DOCK6: variants seen among roughly 807,000 people sequenced by gnomAD.
The protein encoded by DOCK6 is dedicator of cytokinesis 6.
In DOCK6, 167 loss-of-function variants were observed where a neutral mutation model predicts 230.3. The ratio of observed to expected loss-of-function variants is 0.73; its 90% CI spans 0.64 to 0.82. The LOEUF (loss-of-function observed/expected upper bound fraction) is 0.82. Ranked by LOEUF, DOCK6 falls within the 40% of genes least tolerant of loss-of-function variation. DOCK6 has a pLI of 0.00. For synonymous variants in DOCK6, 1,148 were observed against 1,185.0 expected (o/e 0.97, Z 0.64); for missense variants, 2,598 against 2,825.8 (o/e 0.92, Z 1.83).
chr19:11,213,338 A>G lies in DOCK6; in HGVS notation c.4339-10T>C, dbSNP rs2079425912. The G allele has an allele frequency of 3.1e-6, 5 of 1,608,838 alleles. No homozygotes were observed. Among genetic ancestry groups the G allele is most frequent in the East Asian group, 2.2e-5 (1 of 44,776 alleles). The stretch of plus-strand genomic sequence containing the variant: ...ACAGCAGCTCCGGGAACTGCCCCCA[A>G]GGACCCAGACAGACACTGTCCAGCC... On this transcript the variant is annotated splice_polypyrimidine_tract_variant and intron_variant, in intron 34 of 47. Transcript: ENST00000294618.
rs767983548 is a variant in DOCK6, at chr19:11,214,558, CGAT to C, written c.4195_4197del (p.Ile1399del). The C allele has an allele frequency of 7.4e-6, 12 of 1,613,760 alleles. No individual in the cohort carries two copies. The South Asian group carries it at 8.8e-5, about 12-fold the overall frequency. On this transcript the variant is annotated inframe_deletion, in exon 33 of 48. Coordinates refer to ENST00000294618, the MANE Select transcript of DOCK6 (RefSeq NM_020812.4). ...GATGCTGGATCAAGCCCTACCTGCA[CGAT>C]GATCTCCAGTGTGTCCAGAACCACT...
In DOCK6 at chr19:11,227,433, G is replaced by T. The variant is rs2079684536; in HGVS notation, c.2859C>A (p.Asp953Glu). Residue 953 changes from aspartate (D) to glutamate (E), a missense_variant, in exon 24 of 48, where the codon GAC (aspartate) becomes GAA (glutamate). By Grantham distance (45) the Asp-to-Glu change is conservative (BLOSUM62 2). Transcript: ENST00000294618. ...ALHLLLGQRL[D>E]TPRKLRFPGR... ...CGGGGAAGCGCAGCTTGCGGGGTGT[G>T]TCTAGTCGCTGGCCAAGCAGCAGGT... 2 of 1,610,976 alleles carry T rather than the reference G, an allele frequency of 1.2e-6. No individual in the cohort carries two copies. The highest frequency in any genetic ancestry group is 1.7e-6 in the Non-Finnish European group (2 of 1,178,794).
At chr19:11,207,075 C>T (rs572872062) in intron 39 of DOCK6, among the ~76,000 whole-genome samples, 4 of 152,156 alleles carry the variant, frequency 2.6e-5, no homozygotes, top group Admixed American at 6.5e-5. Flanking sequence ...CCTCGTGATC[C>T]GCCTGCCTTG....
At chr19:11,235,857 T>C in intron 20 of DOCK6, 98 bp from the exon 21 acceptor site, 1 of 1,423,062 alleles carries the variant, frequency 7.0e-7, no homozygotes. Flanking sequence ...AGGGATCATG[T>C]GCTCATTAAG....
chr19:11,220,612 CA>C (rs1433479427), intron 28 of DOCK6, among the ~76,000 whole-genome samples: 3 of 152,014 alleles, frequency 2.0e-5, no homozygotes, highest in Non-Finnish European at 2.9e-5. Flanking sequence ...AGGGATGAGG[CA>C]GGAAAATGTG....
In DOCK6 at chr19:11,217,383, C is replaced by T. The variant is rs1451263912; in HGVS notation, c.3559G>A (p.Gly1187Ser). The stretch of plus-strand genomic sequence containing the variant: ...ATTGAGGCCAGTCTTGACCGCTGAC[C>T]TGGGCCCTCTGGCAGGGAAAGACAG... ...PRLHDFAEGP[G>S]QRSRLASMLD... Residue 1187 changes from glycine (G) to serine (S), a missense_variant, in exon 29 of 48, where the codon GGT (glycine) becomes AGT (serine). Coordinates refer to ENST00000294618, the MANE Select transcript of DOCK6 (RefSeq NM_020812.4). The T allele has an allele frequency of 6.2e-7, 1 of 1,612,844 alleles. No homozygotes were observed. Among genetic ancestry groups the T allele is most frequent in the Non-Finnish European group, 8.5e-7 (1 of 1,179,508 alleles).
chr19:11,241,800 G>A (rs2079950261), intron 14 of DOCK6: 2 of 1,509,182 alleles, frequency 1.3e-6, no homozygotes, highest in Non-Finnish European at 1.8e-6. Context: ...CAGGGCGCCG[G>A]GCCCCACTTC....
chr19:11,217,141 T>G (rs1283410122), intron 29 of DOCK6, 45 bp from the exon 30 acceptor site: 3 of 1,597,716 alleles, frequency 1.9e-6, no homozygotes, highest in Non-Finnish European at 2.6e-6. Flanking sequence ...TTTCTCCATG[T>G]GAGATGAATC....
At position 11,243,976 on chromosome 19, in the gene DOCK6, T is replaced by A. The variant is rs1412567831; in HGVS notation, c.1024-94A>T. The A allele has an allele frequency of 2.2e-6, 3 of 1,341,296 alleles. No homozygotes were observed. The African/African-American group carries it at 4.4e-5, about 19-fold the overall frequency. 83.1% of individuals were successfully genotyped at this position (1,341,296 alleles called of 1,614,324 possible). A position where few individuals can be genotyped will look rare whatever the true frequency, so the allele number is the denominator to read the frequency against. On this transcript the variant is annotated intron_variant, in intron 9 of 47. Coordinates refer to ENST00000294618, the MANE Select transcript of DOCK6 (RefSeq NM_020812.4). The surrounding 1 kb of genome is among the most constrained non-coding windows in gnomAD (Gnocchi z 6.3). ...AGCCTCCTGGACCCCTCATGGGCCC[T>A]CGGACACTCCTAACATATGAAGGCC...
Position 11,243,823 on chromosome 19 carries a change from C to A in DOCK6, c.1083G>T (p.Leu361Phe), listed in dbSNP as rs971636849. The A allele has an allele frequency of 6.8e-6, 11 of 1,613,022 alleles. No homozygotes were observed. Among genetic ancestry groups the A allele is most frequent in the Middle Eastern group, 3.3e-4 (2 of 6,084 alleles). ...ISECCEPYMV[L>F]KEVDTAKNKE... Reference sequence around the variant, plus strand: ...TTACCTTGGCTGTGTCCACTTCTTTCAACACCATGTAAGGCTCACAGCACT... The same window carrying A: ...TTACCTTGGCTGTGTCCACTTCTTTAAACACCATGTAAGGCTCACAGCACT... Residue 361 changes from leucine (L) to phenylalanine (F), a missense_variant, in exon 10 of 48, where the codon TTG (leucine) becomes TTT (phenylalanine). Physicochemically the swap from Leu to Phe is conservative, Grantham distance 22. Transcript: ENST00000294618. This position sits in a 1 kb window ranked among gnomAD's most constrained non-coding sequence, Gnocchi z 6.3.
rs1385932917 is a variant in DOCK6, at chr19:11,217,037, C to T, written c.3771G>A (p.Val1257=). ...AESSRTLLAC[V]LWVLKNTEPA... ...GCTCGGTGTTTTTCAGCACCCACAG[C>T]ACACACGCCAGCAAGGTCCGGCTTG... Residue 1257 remains valine (V), a synonymous_variant, in exon 30 of 48, where the codon GTG becomes GTA. Coordinates refer to ENST00000294618, the MANE Select transcript of DOCK6 (RefSeq NM_020812.4). The T allele has an allele frequency of 1.2e-6, 2 of 1,613,622 alleles. No individual in the cohort carries two copies. The highest frequency in any genetic ancestry group is 1.7e-6 in the Non-Finnish European group (2 of 1,179,888).
At chr19:11,237,352 G>C in intron 18 of DOCK6, 104 bp downstream of exon 18, 1 of 1,298,128 alleles carries the variant, frequency 7.7e-7, no homozygotes, top group Non-Finnish European at 1.1e-6. Context: ...GGAGGCACCA[G>C]TAGAGGATAA....
At position 11,199,485 on chromosome 19, in the gene DOCK6, G is replaced by T. The variant is rs756703039; in HGVS notation, c.*12C>A. On this transcript the variant is annotated 3_prime_UTR_variant, in exon 48 of 48. Transcript: ENST00000294618. Reference sequence around the variant, plus strand: ...GCTGGTTCCTCTAGGTACAGCTTTGGTCCTTGTGGGCTCAGAGGTCTGCCT... The same window carrying T: ...GCTGGTTCCTCTAGGTACAGCTTTGTTCCTTGTGGGCTCAGAGGTCTGCCT... 1.3e-6 allele frequency: 2 copies of T among 1,577,674 alleles called. No individual in the cohort carries two copies. The highest frequency in any genetic ancestry group is 1.7e-6 in the Non-Finnish European group (2 of 1,161,534).
In DOCK6 at chr19:11,201,124, G is replaced by A. The variant is rs2079162702; in HGVS notation, c.5689-72C>T. ...TCCTGATCGAAGCCAGTCGGGGGCA[G>A]CTCAGACCCCGCTGGGAGTGAGAGG... On this transcript the variant is annotated intron_variant, in intron 44 of 47. Transcript: ENST00000294618. The surrounding 1 kb of genome is among the most constrained non-coding windows in gnomAD (Gnocchi z 4.3). 2 of 1,571,374 alleles carry A rather than the reference G, an allele frequency of 1.3e-6. No homozygotes were observed. Among genetic ancestry groups the A allele is most frequent in the Non-Finnish European group, 8.6e-7 (1 of 1,158,800 alleles).
In DOCK6 at chr19:11,221,602, C is replaced by T. The variant is rs1372581078; in HGVS notation, c.3550+249G>A. ...ATTGTAGGCTGACAATATCTCAGTA[C>T]TACAGCCCCCCACATTTTCACATAA... On this transcript the variant is annotated intron_variant, in intron 28 of 47. Coordinates refer to ENST00000294618, the MANE Select transcript of DOCK6 (RefSeq NM_020812.4). The T allele has an allele frequency of 3.9e-5, 21 of 545,316 alleles. No individual in the cohort carries two copies. The East Asian group carries it at 5.8e-4, about 15-fold the overall frequency. 33.8% of individuals were successfully genotyped at this position (545,316 alleles called of 1,614,324 possible).
chr19:11,218,343 T>C (rs2079527422), intron 28 of DOCK6, among the ~76,000 whole-genome samples: 1 of 152,038 alleles, frequency 6.6e-6, no homozygotes, highest in Non-Finnish European at 1.5e-5. Context: ...GATGGGGTTT[T>C]ACCACATTGG....
Position 11,239,481 on chromosome 19 carries a change from C to T in DOCK6, c.1644-1177G>A, listed in dbSNP as rs571228767. ...AAGCGTGATCCCGGCGTGGCCTAGC[C>T]GGACATTCGCCTGATGCAACTATCG... On this transcript the variant is annotated intron_variant, in intron 14 of 47. Transcript: ENST00000294618. 4.2e-4 allele frequency: 397 copies of T among 941,522 alleles called. 5 individuals carry two copies. The South Asian group carries it at 6.3e-3, about 15-fold the overall frequency. 58.3% of individuals were successfully genotyped at this position (941,522 alleles called of 1,614,324 possible). A position where few individuals can be genotyped will look rare whatever the true frequency, so the allele number is the denominator to read the frequency against.
intron 7 of DOCK6, among the ~76,000 whole-genome samples, chr19:11,246,247 T>G (rs1343931780): frequency 6.6e-6 from 1 of 150,920 alleles, no homozygotes; most frequent in African/African-American, 2.4e-5. Context: ...TTTGTGTTTT[T>G]AGTAGAGACA....
intron 34 of DOCK6, among the ~76,000 whole-genome samples, chr19:11,213,796 ATTT>A (rs763028538): frequency 9.9e-5 from 11 of 111,408 alleles, no homozygotes; most frequent in Admixed American, 9.0e-5. Context: ...TCTGGCTAAC[ATTT>A]TTTTTTTTTT....
Sources: gnomAD v4.1 joint callset for allele counts (sites outside exome capture counted in the v4.1 genomes callset) on GRCh38, gnomAD v4.1.1 for gene constraint, Gnocchi (gnomAD v3.1) non-coding constraint, MANE v1.5 for transcripts, NCBI Gene and HGNC (gene_info 2026-07-23, HGNC 2026-07-21) for gene names.